Variants in XPR1 observed in about 807,000 individuals in gnomAD.
XPR1 encodes solute carrier family 53 member 1.
Under a neutral mutation model 87.5 loss-of-function variants are expected in XPR1, and 28 were observed. The ratio of observed to expected loss-of-function variants is 0.32; its 90% confidence interval spans 0.24 to 0.44. The LOEUF (loss-of-function observed/expected upper bound fraction) is 0.44, where lower values mean the gene tolerates loss of function less well. Ranked by LOEUF, XPR1 falls within the 20% of genes least tolerant of loss-of-function variation. The pLI is 1.00. For synonymous variants in XPR1, 300 were observed against 306.1 expected, an observed-to-expected ratio of 0.98 and a Z score of 0.21; for missense variants, 559 against 862.3, an observed-to-expected ratio of 0.65 and a Z score of 4.41.
At chr1:180,740,851 G>T (rs138344215) in intron 2 of XPR1, among the ~76,000 whole-genome samples, 197 of 152,244 alleles carry the variant, frequency 1.3e-3, no homozygotes, top group African/African-American at 4.5e-3. Context: ...TGTCTGAAGG[G>T]CCTGCTTTCT....
intron 3 of XPR1, among the ~76,000 whole-genome samples, chr1:180,797,573 G>A (rs549287632): frequency 1.6e-4 from 25 of 152,270 alleles, no homozygotes; most frequent in African/African-American, 6.0e-4. Context: ...TCTGACTGAG[G>A]ACATTAAACA....
intron 9 of XPR1, among the ~76,000 whole-genome samples, chr1:180,826,446 G>A (rs1199231989): frequency 1.3e-5 from 2 of 152,178 alleles, no homozygotes; most frequent in South Asian, 2.1e-4. Context: ...TACTTGTGAC[G>A]CTCAGGTGAG....
chr1:180,714,409 T>TCTCTCTCTCTCTCTCTCTCTCTGTC (rs1557970920), intron 2 of XPR1, among the ~76,000 whole-genome samples: 1 of 135,170 alleles, frequency 7.4e-6, no homozygotes, highest in African/African-American at 3.0e-5. Context: ...CTCTGTCGTC[T>TCTCTCTCTCTCTCTCTCTCTCTGTC]GTCTGTCTGT....
intron 2 of XPR1, among the ~76,000 whole-genome samples, chr1:180,758,334 G>A (rs1263365688): frequency 1.3e-5 from 2 of 152,114 alleles, no homozygotes; most frequent in Non-Finnish European, 2.9e-5. Flanking sequence ...GGTTACCAGA[G>A]ACGGGGAAGG....
chr1:180,748,165 C>T (rs560269785), intron 2 of XPR1, among the ~76,000 whole-genome samples: 1 of 152,186 alleles, frequency 6.6e-6, no homozygotes, highest in East Asian at 1.9e-4. Flanking sequence ...TTTTAATTCT[C>T]TTGTCTGTGA....
intron 2 of XPR1, among the ~76,000 whole-genome samples, chr1:180,745,158 C>G (rs940431339): frequency 3.9e-5 from 6 of 152,188 alleles, no homozygotes; most frequent in African/African-American, 1.4e-4. Flanking sequence ...TGCTTAGGTT[C>G]AGATCCGATT....
intron 2 of XPR1, among the ~76,000 whole-genome samples, chr1:180,725,487 G>T: frequency 6.6e-6 from 1 of 152,106 alleles, no homozygotes; most frequent in East Asian, 1.9e-4. Flanking sequence ...AATCTTTTAT[G>T]ACTTCCAAAC....
chr1:180,642,039 GC>G (rs1021608904), intron 1 of XPR1, among the ~76,000 whole-genome samples: 1 of 152,070 alleles, frequency 6.6e-6, no homozygotes, highest in African/African-American at 2.4e-5. Flanking sequence ...AATAGTTCTT[GC>G]AAATGCCAAT....
chr1:180,679,367 A>G (rs1432463828), intron 1 of XPR1, among the ~76,000 whole-genome samples: 1 of 152,152 alleles, frequency 6.6e-6, no homozygotes, highest in Non-Finnish European at 1.5e-5. Context: ...GTGAGGATTG[A>G]TACTGTTATC....
chr1:180,863,890 G>T lies in XPR1; in HGVS notation c.1668+16G>T. 1 of 1,558,150 alleles carries T rather than the reference G, an allele frequency of 6.4e-7. No homozygotes were observed. Among genetic ancestry groups the T allele is most frequent in the Non-Finnish European group, 8.6e-7 (1 of 1,156,984 alleles). ...CCCCCAAAAAGTATGTATAAAGAGTGTGTTTGTTTAAAAGAACAAACTTAG... is the reference window on the plus strand; with the variant it reads ...CCCCCAAAAAGTATGTATAAAGAGTTTGTTTGTTTAAAAGAACAAACTTAG... On this transcript the variant is annotated intron_variant, in intron 12 of 14. Coordinates refer to ENST00000367590, the MANE Select transcript of XPR1 (RefSeq NM_004736.4).
chr1:180,680,114 A>G (rs1045075591), intron 1 of XPR1, among the ~76,000 whole-genome samples: 4 of 152,122 alleles, frequency 2.6e-5, no homozygotes, highest in African/African-American at 9.6e-5. Flanking sequence ...GCTAACAAAT[A>G]AAGAAAATGC....
chr1:180,641,332 G>A (rs929196241), intron 1 of XPR1, among the ~76,000 whole-genome samples: 1 of 152,166 alleles, frequency 6.6e-6, no homozygotes, highest in African/African-American at 2.4e-5. Flanking sequence ...ACTAAATAAT[G>A]TTTGGCTAAT....
chr1:180,772,439 T>C (rs1332347793), intron 2 of XPR1, among the ~76,000 whole-genome samples: 1 of 152,186 alleles, frequency 6.6e-6, no homozygotes, highest in Non-Finnish European at 1.5e-5. Flanking sequence ...TTATTGCTGC[T>C]AGACTCTACC....
intron 11 of XPR1, among the ~76,000 whole-genome samples, chr1:180,858,952 A>G (rs1278676747): frequency 7.2e-6 from 1 of 139,284 alleles, no homozygotes; most frequent in East Asian, 2.1e-4. Context: ...GGTAATAGAA[A>G]TAGATCCAGG....
At chr1:180,840,037 C>G (rs1651447185) in intron 11 of XPR1, among the ~76,000 whole-genome samples, 1 of 151,576 alleles carries the variant, frequency 6.6e-6, no homozygotes, top group African/African-American at 2.4e-5. Flanking sequence ...TCCTGGCTAA[C>G]AAGGTGAAAC....
At chr1:180,669,322 TTTGC>T (rs1656074214) in intron 1 of XPR1, among the ~76,000 whole-genome samples, 1 of 152,152 alleles carries the variant, frequency 6.6e-6, no homozygotes, top group African/African-American at 2.4e-5. Context: ...TCTGTTAATT[TTTGC>T]TCCATATATT....
At chr1:180,663,100 A>G (rs1249678386) in intron 1 of XPR1, among the ~76,000 whole-genome samples, 1 of 152,196 alleles carries the variant, frequency 6.6e-6, no homozygotes, top group Non-Finnish European at 1.5e-5. Context: ...GAAAGGTCTC[A>G]TATCTCCATT....
At chr1:180,751,369 TA>T (rs1647529324) in intron 2 of XPR1, among the ~76,000 whole-genome samples, 1 of 152,066 alleles carries the variant, frequency 6.6e-6, no homozygotes, top group Non-Finnish European at 1.5e-5. Flanking sequence ...AATTCTTTGT[TA>T]CAGTTTTTCT....
intron 11 of XPR1, among the ~76,000 whole-genome samples, chr1:180,839,884 C>T (rs989679622): frequency 6.6e-6 from 1 of 152,056 alleles, no homozygotes; most frequent in East Asian, 1.9e-4. Context: ...TTATGCATAC[C>T]AAAGTTGGTG....
Sources: allele counts gnomAD v4.1 joint callset (sites outside exome capture counted in the v4.1 genomes callset), GRCh38; gene constraint gnomAD v4.1.1; transcripts MANE v1.5; gene names NCBI Gene and HGNC (gene_info 2026-07-23, HGNC 2026-07-21).